RBKS: variants seen among roughly 807,000 people sequenced by gnomAD.
The protein encoded by RBKS is ribokinase.
Under a neutral mutation model 33.9 loss-of-function variants are expected in RBKS, and 33 were observed. The ratio of observed to expected loss-of-function variants is 0.97; its 90% CI spans 0.74 to 1.30. The LOEUF is 1.30. Ranked by LOEUF, RBKS falls within the 50% of genes most tolerant of loss-of-function variation. The pLI, the probability that RBKS is intolerant of heterozygous loss-of-function variation, is 0.00. For synonymous variants in RBKS, 125 were observed against 143.0 expected (o/e 0.87, Z 0.90); for missense variants, 361 against 392.6 (o/e 0.92, Z 0.68).
chr2:27,803,482 G>T (rs1171396554), intron 7 of RBKS, among the ~76,000 whole-genome samples: 1 of 151,726 alleles, frequency 6.6e-6, no homozygotes, highest in Non-Finnish European at 1.5e-5. Context: ...AGGATCAGTT[G>T]AGGCCAAGAC....
chr2:27,853,862 G>A (rs889242988), intron 2 of RBKS, among the ~76,000 whole-genome samples: 1 of 152,078 alleles, frequency 6.6e-6, no homozygotes, highest in African/African-American at 2.4e-5. Flanking sequence ...AATCAACATA[G>A]CCAACTAATT....
Position 27,861,670 on chromosome 2 carries a change from G to C in RBKS, c.90-3099C>G, listed in dbSNP as rs995228781. Reference sequence around the variant, plus strand: ...GTATGTTCCATTTCTTTTTGGGGGGGGGGTGGAGTCTCACTTTGTCTCCCA... The same window carrying C: ...GTATGTTCCATTTCTTTTTGGGGGGCGGGTGGAGTCTCACTTTGTCTCCCA... On this transcript the variant is annotated intron_variant, in intron 1 of 7. Transcript: ENST00000302188. 36 of 427,714 alleles carry C rather than the reference G, an allele frequency of 8.4e-5. 1 individual carries two copies. Among genetic ancestry groups the C allele is most frequent in the African/African-American group, 6.5e-4 (31 of 47,786 alleles). The allele number at this position is 427,714 out of a possible 1,614,324, so 26.5% of individuals were successfully genotyped here. A position where few individuals can be genotyped will look rare whatever the true frequency, so the allele number is the denominator to read the frequency against.
chr2:27,812,774 T>A (rs1420095283), intron 7 of RBKS, among the ~76,000 whole-genome samples: 1 of 151,934 alleles, frequency 6.6e-6, no homozygotes, highest in Non-Finnish European at 1.5e-5. Flanking sequence ...AGTTAATGGG[T>A]GCAGCACACC....
intron 7 of RBKS, among the ~76,000 whole-genome samples, chr2:27,817,968 G>T (rs1678130341): frequency 6.6e-6 from 1 of 152,144 alleles, no homozygotes; most frequent in South Asian, 2.1e-4. Flanking sequence ...TGAGATTTGG[G>T]TGGGGACACA....
chr2:27,864,147 C>T (rs1024099767), intron 1 of RBKS, among the ~76,000 whole-genome samples: 8 of 151,940 alleles, frequency 5.3e-5, no homozygotes, highest in African/African-American at 1.7e-4. Flanking sequence ...CTGCCTTGGC[C>T]TTCTGATTAG....
chr2:27,826,558 A>C (rs983224046), intron 7 of RBKS, among the ~76,000 whole-genome samples: 1 of 151,936 alleles, frequency 6.6e-6, no homozygotes, highest in African/African-American at 2.4e-5. Context: ...ACAGGTGTGC[A>C]CCACCATGCC....
intron 5 of RBKS, among the ~76,000 whole-genome samples, chr2:27,835,005 G>C (rs1377653188): frequency 2.0e-5 from 3 of 152,204 alleles, no homozygotes; most frequent in Non-Finnish European, 4.4e-5. Context: ...GCTGGGCGTG[G>C]TGGCTCATGC....
intron 7 of RBKS, among the ~76,000 whole-genome samples, chr2:27,801,260 G>T (rs1677773613): frequency 6.6e-6 from 1 of 152,000 alleles, no homozygotes; most frequent in Non-Finnish European, 1.5e-5. Flanking sequence ...ATGGATATAG[G>T]GCCACCTGAC....
At chr2:27,836,917 C>G (rs988990124) in intron 5 of RBKS, among the ~76,000 whole-genome samples, 7 of 150,672 alleles carry the variant, frequency 4.6e-5, no homozygotes, top group African/African-American at 1.5e-4. Flanking sequence ...CACTCATCAT[C>G]AGAGAAATGC....
In RBKS at chr2:27,783,657, C is replaced by T. The variant is rs918721097; in HGVS notation, c.796-1869G>A. Among the ~76,000 whole-genome samples the T allele has an allele frequency of 1.8e-4, 28 of 152,250 alleles. 1 individual carries two copies. Among genetic ancestry groups the T allele is most frequent in the Admixed American group, 1.3e-3 (20 of 15,300 alleles). On this transcript the variant is annotated intron_variant, in intron 7 of 7. Coordinates refer to ENST00000302188, the MANE Select transcript of RBKS (RefSeq NM_022128.3). The stretch of plus-strand genomic sequence containing the variant: ...GCGCAGTGGCTCACGCCTGTAATCC[C>T]AGCACTTCGGGAGGCCGAGGCGGGC...
intron 7 of RBKS, among the ~76,000 whole-genome samples, chr2:27,800,077 G>A (rs1172192274): frequency 2.2e-5 from 3 of 134,144 alleles, no homozygotes; most frequent in Admixed American, 1.6e-4. Context: ...TTTTGAGATC[G>A]GCTCTTGCTC....
chr2:27,862,962 C>T (rs1238898203), intron 1 of RBKS, among the ~76,000 whole-genome samples: 2 of 150,804 alleles, frequency 1.3e-5, no homozygotes, highest in African/African-American at 2.4e-5. Context: ...CACAAAGCAC[C>T]GTCTCCTGGG....
At position 27,847,217 on chromosome 2, in the gene RBKS, T is replaced by C; in HGVS notation, c.287-113A>G. 5.0e-6 allele frequency: 3 copies of C among 601,802 alleles called. No individual in the cohort carries two copies. The South Asian group carries it at 7.0e-5, about 14-fold the overall frequency. The allele number at this position is 601,802 out of a possible 1,614,324, so 37.3% of individuals were successfully genotyped here. A position where few individuals can be genotyped will look rare whatever the true frequency, so the allele number is the denominator to read the frequency against. On this transcript the variant is annotated intron_variant, in intron 3 of 7. Transcript: ENST00000302188. Reference sequence around the variant, plus strand: ...GGAAAACCTTTTTAACCTTTAACCATCTGGAATGATAAAAAAAAATAAGTA... The same window carrying C: ...GGAAAACCTTTTTAACCTTTAACCACCTGGAATGATAAAAAAAAATAAGTA...
At chr2:27,879,747 G>T (rs941452028) in intron 1 of RBKS, among the ~76,000 whole-genome samples, 7 of 152,116 alleles carry the variant, frequency 4.6e-5, no homozygotes, top group African/African-American at 1.7e-4. Flanking sequence ...AGAAGAAATG[G>T]ATAAATTCCT....
rs747876982 is a variant in RBKS, at chr2:27,795,538, T to TAC, written c.796-13752_796-13751dup. On this transcript the variant is annotated intron_variant, in intron 7 of 7. Coordinates refer to ENST00000302188, the MANE Select transcript of RBKS (RefSeq NM_022128.3). This position sits in a 1 kb window ranked among gnomAD's most constrained non-coding sequence, Gnocchi z 4.1. ...GAGGCAGCAAAGCCGGGTATTTATA[T>TAC]ACACACACACACAACATTGACCTCA... Among the ~76,000 whole-genome samples the TAC allele has an allele frequency of 2.2e-4, 34 of 151,998 alleles. No homozygotes were observed. Among genetic ancestry groups the TAC allele is most frequent in the Admixed American group, 2.0e-3 (31 of 15,248 alleles).
In RBKS at chr2:27,781,638, C is replaced by CT. The variant is rs746890274; in HGVS notation, c.945dup (p.Asp316ArgfsTer31). On this transcript the variant is annotated frameshift_variant, in exon 8 of 8. Coordinates refer to ENST00000302188, the MANE Select transcript of RBKS (RefSeq NM_022128.3). LOFTEE classifies it high-confidence loss of function. ...AATCAAAACAGAGTAAGCGGAAGGT[C>CT]TTTTTTGTAAGGGTAAGATGACTGT... The CT allele has an allele frequency of 6.2e-7, 1 of 1,612,346 alleles. No individual in the cohort carries two copies. Among genetic ancestry groups the CT allele is most frequent in the South Asian group, 1.1e-5 (1 of 90,692 alleles).
chr2:27,822,752 G>A (rs1217911736), intron 7 of RBKS, among the ~76,000 whole-genome samples: 1 of 152,210 alleles, frequency 6.6e-6, no homozygotes, highest in Non-Finnish European at 1.5e-5. Flanking sequence ...AGGATAGAAA[G>A]AAAGGAGAAT....
At chr2:27,796,175 T>G (rs771556338) in intron 7 of RBKS, among the ~76,000 whole-genome samples, 4 of 152,244 alleles carry the variant, frequency 2.6e-5, no homozygotes, top group Non-Finnish European at 5.9e-5. Flanking sequence ...AATAAATTAC[T>G]TGGCTGTTGA....
intron 5 of RBKS, among the ~76,000 whole-genome samples, chr2:27,833,188 T>C (rs1385798317): frequency 1.3e-5 from 2 of 152,126 alleles, no homozygotes; most frequent in Non-Finnish European, 2.9e-5. Flanking sequence ...CATAAACCCA[T>C]TTTCCAGGGA....
Sources: gnomAD v4.1 joint callset for allele counts (sites outside exome capture counted in the v4.1 genomes callset) on GRCh38, gnomAD v4.1.1 for gene constraint, Gnocchi (gnomAD v3.1) non-coding constraint, MANE v1.5 for transcripts, NCBI Gene and HGNC (gene_info 2026-07-23, HGNC 2026-07-21) for gene names.